SMARCA2: variants seen among roughly 807,000 people sequenced by gnomAD.
SMARCA2 encodes SWI/SNF-related matrix-associated actin-dependent regulator of chromatin subfamily A member 2.
A neutral mutation model predicts 199.8 loss-of-function variants in SMARCA2; 61 were observed. That is an observed-to-expected ratio of 0.31 (90% CI 0.25 to 0.38). SMARCA2 has a LOEUF of 0.38. SMARCA2 is among the 10% of genes least tolerant of loss of function. SMARCA2 has a pLI of 1.00. For synonymous variants in SMARCA2, 935 were observed against 732.0 expected (o/e 1.28, Z -4.48); for missense variants, 1,344 against 2,012.2 (o/e 0.67, Z 6.35).
intron 27 of SMARCA2, among the ~76,000 whole-genome samples, chr9:2,146,201 G>T (rs1476035018): frequency 6.6e-6 from 1 of 152,144 alleles, no homozygotes; most frequent in Non-Finnish European, 1.5e-5. Context: ...GTCCTCACAT[G>T]GTAGAAGGGA....
chr9:2,158,230 G>A (rs1398017338), intron 27 of SMARCA2: 1 of 189,054 alleles, frequency 5.3e-6, no homozygotes, highest in Non-Finnish European at 1.1e-5. Context: ...CTTCATTCAG[G>A]AAAAACGCAG....
At chr9:2,124,372 G>T (rs189753535) in intron 27 of SMARCA2, among the ~76,000 whole-genome samples, 3 of 152,282 alleles carry the variant, frequency 2.0e-5, no homozygotes, top group South Asian at 2.1e-4. Context: ...CTTCTGCAAG[G>T]TCTGCACAGA....
chr9:2,093,070 G>A (rs932669632), intron 19 of SMARCA2, among the ~76,000 whole-genome samples: 24 of 152,288 alleles, frequency 1.6e-4, no homozygotes, highest in Admixed American at 6.5e-5. Context: ...CAGGCCAGGT[G>A]GGAGGCACAA....
chr9:2,073,482 A>C, intron 11 of SMARCA2, 84 bp from the exon 12 acceptor site: 1 of 1,445,170 alleles, frequency 6.9e-7, no homozygotes, highest in Non-Finnish European at 9.6e-7. Context: ...TATACATAGA[A>C]TGTGCTATTA....
intron 2 of SMARCA2, 151 bp downstream of exon 2, chr9:2,029,398 T>A (rs1202982048): frequency 8.8e-7 from 1 of 1,141,978 alleles, no homozygotes; most frequent in African/African-American, 1.6e-5. Flanking sequence ...AAACGCATAT[T>A]GTGAGGTACT....
At chr9:2,072,214 C>G (rs968220455) in intron 10 of SMARCA2, 1 of 152,144 alleles carries the variant, frequency 6.6e-6, no homozygotes. Context: ...CATGAATTGT[C>G]TAAAAATTCA....
intron 29 of SMARCA2, among the ~76,000 whole-genome samples, chr9:2,174,539 G>T (rs1195801078): frequency 6.6e-6 from 1 of 152,144 alleles, no homozygotes; most frequent in Admixed American, 6.5e-5. Context: ...AGATGGAGAG[G>T]CATTTGATTT....
At chr9:2,160,707 G>A (rs1825622728) in intron 27 of SMARCA2, 2 of 626,372 alleles carry the variant, frequency 3.2e-6, no homozygotes, top group Non-Finnish European at 5.9e-6. Flanking sequence ...GAGGCAGGAG[G>A]AACAAATAAC....
At chr9:2,118,047 C>T (rs566797103) in intron 25 of SMARCA2, among the ~76,000 whole-genome samples, 1 of 152,316 alleles carries the variant, frequency 6.6e-6, no homozygotes, top group East Asian at 1.9e-4. Flanking sequence ...AGGTCATAAA[C>T]AGGCACTTTA....
At chr9:2,051,770 AT>A (rs1379824774) in intron 5 of SMARCA2, among the ~76,000 whole-genome samples, 1 of 152,112 alleles carries the variant, frequency 6.6e-6, no homozygotes, top group Non-Finnish European at 1.5e-5. Context: ...ATAATACTTA[AT>A]TTTCCTTTGG....
chr9:2,160,414 T>A (rs1195641757), intron 27 of SMARCA2: 1 of 550,154 alleles, frequency 1.8e-6, no homozygotes, highest in African/African-American at 1.9e-5. Flanking sequence ...AGAAAACATA[T>A]TTTTTTAAAA....
At chr9:2,062,676 G>A (rs1820653997) in intron 9 of SMARCA2, among the ~76,000 whole-genome samples, 1 of 152,080 alleles carries the variant, frequency 6.6e-6, no homozygotes, top group South Asian at 2.1e-4. Flanking sequence ...TGTGTCTTAT[G>A]CTTGCACTCA....
chr9:2,117,244 T>C (rs1400291687), intron 25 of SMARCA2, among the ~76,000 whole-genome samples: 4 of 152,188 alleles, frequency 2.6e-5, no homozygotes, highest in Admixed American at 6.5e-5. Flanking sequence ...TATTTAAAGG[T>C]ATCCTGAAAT....
At chr9:2,088,238 C>A (rs960021550) in intron 18 of SMARCA2, among the ~76,000 whole-genome samples, 1 of 152,168 alleles carries the variant, frequency 6.6e-6, no homozygotes, top group Non-Finnish European at 1.5e-5. Flanking sequence ...GTTGACACTA[C>A]TGATAAAAAA....
chr9:2,122,915 C>T (rs950801467), intron 26 of SMARCA2, among the ~76,000 whole-genome samples: 1 of 151,884 alleles, frequency 6.6e-6, no homozygotes, highest in Non-Finnish European at 1.5e-5. Flanking sequence ...AGTGTGTGGC[C>T]CTTAGTTTAT....
intron 9 of SMARCA2, among the ~76,000 whole-genome samples, chr9:2,069,522 G>A (rs1382098892): frequency 2.7e-5 from 4 of 150,634 alleles, no homozygotes; most frequent in East Asian, 2.0e-4. Flanking sequence ...TCGGGCCACC[G>A]CACTCCAGCC....
rs1824600272 is a variant in SMARCA2, at chr9:2,144,117, A to G, written c.3982-17569A>G. Among the ~76,000 whole-genome samples the G allele has an allele frequency of 2.0e-5, 3 of 152,310 alleles. No homozygotes were observed. The South Asian group carries it at 6.2e-4, about 32-fold the overall frequency. Reference sequence around the variant, plus strand: ...TTTTGAGGGGGCAGTCAATCATTAGAGGAAATGAATGGACAGAAGTTAACT... The same window carrying G: ...TTTTGAGGGGGCAGTCAATCATTAGGGGAAATGAATGGACAGAAGTTAACT... On this transcript the variant is annotated intron_variant, in intron 27 of 33. Coordinates refer to ENST00000349721, the MANE Select transcript of SMARCA2 (RefSeq NM_003070.5).
intron 31 of SMARCA2, among the ~76,000 whole-genome samples, chr9:2,184,988 C>A (rs912932958): frequency 1.3e-5 from 2 of 152,052 alleles, no homozygotes; most frequent in Non-Finnish European, 2.9e-5. Flanking sequence ...GAATATGTTC[C>A]TAAAGAGCAG....
At chr9:2,026,438 C>A (rs1197315404) in intron 1 of SMARCA2, among the ~76,000 whole-genome samples, 2 of 151,952 alleles carry the variant, frequency 1.3e-5, no homozygotes, top group Non-Finnish European at 2.9e-5. Flanking sequence ...GCAAAAAAAA[C>A]GAGGAGCATT....
Sources: allele counts gnomAD v4.1 joint callset (sites outside exome capture counted in the v4.1 genomes callset), GRCh38; gene constraint gnomAD v4.1.1; transcripts MANE v1.5; gene names NCBI Gene and HGNC (gene_info 2026-07-23, HGNC 2026-07-21).